NRG3: variants seen among roughly 807,000 people sequenced by gnomAD.
The protein encoded by NRG3 is pro-neuregulin-3, membrane-bound isoform.
Under a neutral mutation model 66.9 loss-of-function variants are expected in NRG3, and 31 were observed. That is an observed-to-expected ratio of 0.46 (90% CI 0.35 to 0.63). The LOEUF (loss-of-function observed/expected upper bound fraction) is 0.63. Among genes scored for constraint, NRG3 ranks in the 20% least tolerant of loss-of-function variants. The pLI is 0.00. For synonymous variants in NRG3, 393 were observed against 359.4 expected, an observed-to-expected ratio of 1.09 and a Z score of -1.06; for missense variants, 910 against 878.9, an observed-to-expected ratio of 1.04 and a Z score of -0.45.
chr10:82,293,175 A>G (rs1042026445), intron 1 of NRG3, among the ~76,000 whole-genome samples: 25 of 152,184 alleles, frequency 1.6e-4, no homozygotes, highest in African/African-American at 6.0e-4. Flanking sequence ...TGGGCTCCTC[A>G]GCCTCCGTCC....
intron 1 of NRG3, among the ~76,000 whole-genome samples, chr10:82,328,853 A>G (rs542138127): frequency 6.6e-6 from 1 of 152,366 alleles, no homozygotes; most frequent in East Asian, 1.9e-4. Flanking sequence ...AGGAATTTAA[A>G]GTTTTAATGT....
intron 1 of NRG3, among the ~76,000 whole-genome samples, chr10:81,935,113 A>G (rs1356998646): frequency 1.3e-5 from 2 of 152,260 alleles, no homozygotes; most frequent in Admixed American, 6.5e-5. Context: ...AGAGACTGCT[A>G]TTGAAATTTC....
chr10:82,374,282 T>C (rs1422062277), intron 2 of NRG3, among the ~76,000 whole-genome samples: 2 of 152,192 alleles, frequency 1.3e-5, no homozygotes, highest in Non-Finnish European at 1.5e-5. Flanking sequence ...ATTTGATACA[T>C]GACAAGAAGG....
chr10:82,768,353 C>T (rs1162615537), intron 3 of NRG3, among the ~76,000 whole-genome samples: 1 of 152,160 alleles, frequency 6.6e-6, no homozygotes, highest in African/African-American at 2.4e-5. Flanking sequence ...CTTCCATGGA[C>T]ATGTGGCCTT....
chr10:82,279,614 G>T (rs1277782961), intron 1 of NRG3, among the ~76,000 whole-genome samples: 2 of 152,180 alleles, frequency 1.3e-5, no homozygotes, highest in Middle Eastern at 3.2e-3. Context: ...TTAGGGATGT[G>T]TAAATGATTT....
At chr10:81,993,213 T>C (rs2060806177) in intron 1 of NRG3, among the ~76,000 whole-genome samples, 1 of 152,180 alleles carries the variant, frequency 6.6e-6, no homozygotes, top group African/African-American at 2.4e-5. Flanking sequence ...TTTAGCATTA[T>C]AATAAAAGAA....
At chr10:82,387,274 CA>C (rs10710836) in intron 2 of NRG3, among the ~76,000 whole-genome samples, 63,213 of 152,030 alleles carry the variant, frequency 0.42, 16,441 homozygotes, top group African/African-American at 0.74. Context: ...ATAAAACACT[CA>C]AAATATATAT....
intron 1 of NRG3, among the ~76,000 whole-genome samples, chr10:81,954,274 C>T (rs747489738): frequency 6.6e-6 from 1 of 152,018 alleles, no homozygotes; most frequent in Non-Finnish European, 1.5e-5. Flanking sequence ...CAGAAATTTC[C>T]TTTTTGTTTA....
chr10:82,042,303 A>G (rs2064625), intron 1 of NRG3, among the ~76,000 whole-genome samples: 96,665 of 151,944 alleles, frequency 0.64, 32,332 homozygotes, highest in South Asian at 0.87. Flanking sequence ...GAAATTTAAA[A>G]TGTAGGATTA....
At chr10:82,800,015 G>A (rs1217631508) in intron 3 of NRG3, among the ~76,000 whole-genome samples, 1 of 152,150 alleles carries the variant, frequency 6.6e-6, no homozygotes, top group Non-Finnish European at 1.5e-5. Context: ...TGTTGGCCAT[G>A]TCTGGATAGG....
chr10:82,308,575 C>A (rs1388055724), intron 1 of NRG3, among the ~76,000 whole-genome samples: 3 of 152,090 alleles, frequency 2.0e-5, no homozygotes, highest in African/African-American at 7.2e-5. Context: ...ATTGTTTGTG[C>A]TGCATCTTTA....
At chr10:82,465,912 T>C (rs1840627932) in intron 2 of NRG3, among the ~76,000 whole-genome samples, 1 of 152,154 alleles carries the variant, frequency 6.6e-6, no homozygotes, top group African/African-American at 2.4e-5. Context: ...AGGGACACAG[T>C]AAATACTCAG....
At chr10:82,874,017 A>G (rs1260694785) in intron 4 of NRG3, among the ~76,000 whole-genome samples, 5 of 151,944 alleles carry the variant, frequency 3.3e-5, no homozygotes, top group Non-Finnish European at 7.4e-5. Flanking sequence ...AAAAAAAAAA[A>G]GAAACAGTGT....
In NRG3 at chr10:82,570,455, T is replaced by C. The variant is rs530123789; in HGVS notation, c.954-168122T>C. Among the ~76,000 whole-genome samples, 12 of 151,790 alleles carry C rather than the reference T, an allele frequency of 7.9e-5. No homozygotes were observed. In the South Asian group the frequency reaches 2.5e-3, roughly 31 times the overall value. ...TCCTGATGGTAGGGAGAGGTGATCT[T>C]TTTTATATCTCACATAACAAGCACT... On this transcript the variant is annotated intron_variant, in intron 2 of 8. Transcript: ENST00000372141.
At chr10:82,204,625 G>A (rs528435265) in intron 1 of NRG3, among the ~76,000 whole-genome samples, 43 of 152,290 alleles carry the variant, frequency 2.8e-4, no homozygotes, top group African/African-American at 9.6e-4. Context: ...CTCAGGCCTA[G>A]GAGTAGTAAT....
At chr10:82,879,185 G>T (rs909985254) in intron 4 of NRG3, among the ~76,000 whole-genome samples, 1 of 152,118 alleles carries the variant, frequency 6.6e-6, no homozygotes, top group Non-Finnish European at 1.5e-5. Context: ...TTCTGTGATA[G>T]TAGAACTTGC....
intron 5 of NRG3, among the ~76,000 whole-genome samples, chr10:82,954,488 A>G (rs1849839240): frequency 6.6e-6 from 1 of 151,928 alleles, no homozygotes; most frequent in Non-Finnish European, 1.5e-5. Context: ...CACAGAAGCT[A>G]GAGCACCAAG....
intron 1 of NRG3, among the ~76,000 whole-genome samples, chr10:82,257,433 A>G (rs1240575623): frequency 6.6e-6 from 1 of 152,162 alleles, no homozygotes; most frequent in African/African-American, 2.4e-5. Context: ...GGTCTTTTGT[A>G]GGAGTGATTA....
chr10:82,484,302 C>T (rs904358332), intron 2 of NRG3, among the ~76,000 whole-genome samples: 4 of 152,172 alleles, frequency 2.6e-5, no homozygotes, highest in Admixed American at 2.6e-4. Context: ...GGTATCACCA[C>T]ATTTTGGCTT....
Sources: gnomAD v4.1 joint callset for allele counts (sites outside exome capture counted in the v4.1 genomes callset) on GRCh38, gnomAD v4.1.1 for gene constraint, MANE v1.5 for transcripts, NCBI Gene and HGNC (gene_info 2026-07-23, HGNC 2026-07-21) for gene names.